Variants in FARS2 observed in about 807,000 individuals in gnomAD.
FARS2 encodes the protein phenylalanine--tRNA ligase, mitochondrial.
In FARS2, 40 loss-of-function variants were observed where a neutral mutation model predicts 46.4. The ratio of observed to expected loss-of-function variants is 0.86; its 90% CI spans 0.67 to 1.12. FARS2 has a LOEUF of 1.12. FARS2 is among the 50% of genes most tolerant of loss of function. The pLI is 0.00. For synonymous variants in FARS2, 234 were observed against 214.9 expected (o/e 1.09, Z -0.78); for missense variants, 513 against 567.9 (o/e 0.90, Z 0.98).
intron 4 of FARS2, among the ~76,000 whole-genome samples, chr6:5,494,123 T>C (rs1280179287): frequency 1.4e-5 from 2 of 142,862 alleles, no homozygotes; most frequent in East Asian, 3.9e-4. Context: ...TCCTTTTTTT[T>C]TTCTTTTTTT....
At chr6:5,524,998 G>A (rs572648150) in intron 4 of FARS2, among the ~76,000 whole-genome samples, 1 of 152,198 alleles carries the variant, frequency 6.6e-6, no homozygotes, top group Admixed American at 6.5e-5. Flanking sequence ...CTAAAGAGCT[G>A]GCATTGCTTC....
intron 1 of FARS2, among the ~76,000 whole-genome samples, chr6:5,279,401 A>G (rs1396408309): frequency 1.9e-4 from 29 of 150,728 alleles, no homozygotes; most frequent in Non-Finnish European, 3.0e-5. Context: ...AAAGAAAAAG[A>G]AAAAAAGAAA....
chr6:5,609,770 C>G (rs1365163721), intron 5 of FARS2: 4 of 1,497,758 alleles, frequency 2.7e-6, no homozygotes, highest in Admixed American at 3.4e-5. Context: ...GCCACTGCCT[C>G]GGTCAGTCAT....
chr6:5,492,797 C>A (rs1214435680), intron 4 of FARS2, among the ~76,000 whole-genome samples: 1 of 152,240 alleles, frequency 6.6e-6, no homozygotes, highest in Non-Finnish European at 1.5e-5. Context: ...CTGTGCCCGG[C>A]TTTCCCTGCA....
At chr6:5,424,279 G>A (rs75122055) in intron 3 of FARS2, among the ~76,000 whole-genome samples, 3,285 of 152,230 alleles carry the variant, frequency 0.022, 58 homozygotes, top group South Asian at 0.067. Flanking sequence ...AACACCTATC[G>A]AGGGCGTTTT....
At position 5,509,717 on chromosome 6, in the gene FARS2, G is replaced by C. The variant is rs541915461; in HGVS notation, c.905-35463G>C. On this transcript the variant is annotated intron_variant, in intron 4 of 6. Transcript: ENST00000274680. Reference sequence around the variant, plus strand: ...GCTCAGCAGGAAAGACTGAGCGTGGGGACTGTGGTCTCTGCAGAAAGTGGG... The same window carrying C: ...GCTCAGCAGGAAAGACTGAGCGTGGCGACTGTGGTCTCTGCAGAAAGTGGG... Among the ~76,000 whole-genome samples the C allele has an allele frequency of 2.0e-5, 3 of 152,274 alleles. No individual in the cohort carries two copies. The East Asian group carries it at 5.8e-4, about 29-fold the overall frequency.
intron 1 of FARS2, among the ~76,000 whole-genome samples, chr6:5,344,979 A>G (rs536997985): frequency 3.2e-4 from 48 of 151,734 alleles, no homozygotes; most frequent in Non-Finnish European, 3.5e-4. Flanking sequence ...TTTAGTAGAG[A>G]TGGGGTTTTA....
At chr6:5,534,425 G>A (rs750595531) in intron 4 of FARS2, among the ~76,000 whole-genome samples, 1 of 152,082 alleles carries the variant, frequency 6.6e-6, no homozygotes. Context: ...TACCCATTAA[G>A]CATTAACTCC....
chr6:5,479,855 C>T (rs111338325), intron 4 of FARS2, among the ~76,000 whole-genome samples: 210 of 152,336 alleles, frequency 1.4e-3, no homozygotes, highest in African/African-American at 4.9e-3. Context: ...ATACCAGTCT[C>T]AGGGAGATAC....
chr6:5,611,834 T>G (rs1422990250), intron 5 of FARS2, among the ~76,000 whole-genome samples: 2 of 152,338 alleles, frequency 1.3e-5, no homozygotes, highest in East Asian at 3.9e-4. Flanking sequence ...TCACCGTGCC[T>G]GGCATCAGAA....
At chr6:5,547,729 G>GC (rs2150507948) in intron 5 of FARS2, among the ~76,000 whole-genome samples, 1 of 152,328 alleles carries the variant, frequency 6.6e-6, no homozygotes, top group South Asian at 2.1e-4. Flanking sequence ...TGCCATGCCA[G>GC]CCCATGCTTG....
intron 3 of FARS2, among the ~76,000 whole-genome samples, chr6:5,414,745 A>G (rs1201261425): frequency 1.5e-4 from 23 of 148,620 alleles, no homozygotes; most frequent in African/African-American, 5.7e-4. Flanking sequence ...CTTTATATGG[A>G]CATCGCTTTT....
intron 4 of FARS2, among the ~76,000 whole-genome samples, chr6:5,508,488 CTG>C: frequency 6.7e-6 from 1 of 148,504 alleles, no homozygotes; most frequent in South Asian, 2.2e-4. Flanking sequence ...AGGAGGGAAT[CTG>C]TGAATTAGCA....
At chr6:5,591,434 G>A (rs1457200558) in intron 5 of FARS2, among the ~76,000 whole-genome samples, 1 of 152,222 alleles carries the variant, frequency 6.6e-6, no homozygotes, top group Non-Finnish European at 1.5e-5. Flanking sequence ...GTTGGATTCT[G>A]TGGGGAAGAT....
intron 1 of FARS2, among the ~76,000 whole-genome samples, chr6:5,284,971 C>T (rs1225159537): frequency 6.6e-6 from 1 of 152,202 alleles, no homozygotes; most frequent in African/African-American, 2.4e-5. Flanking sequence ...TCACCCCCAC[C>T]CCAAGTCAGC....
At chr6:5,740,689 G>A (rs1160552975) in intron 6 of FARS2, among the ~76,000 whole-genome samples, 1 of 152,136 alleles carries the variant, frequency 6.6e-6, no homozygotes, top group Non-Finnish European at 1.5e-5. Context: ...AACCCTCCTG[G>A]AGACCTGCCT....
At chr6:5,321,594 A>G (rs1769979404) in intron 1 of FARS2, among the ~76,000 whole-genome samples, 1 of 152,002 alleles carries the variant, frequency 6.6e-6, no homozygotes, top group Non-Finnish European at 1.5e-5. Flanking sequence ...ATTTGCACTA[A>G]GCTTTGTTGT....
chr6:5,394,767 GT>G (rs145074799), intron 2 of FARS2, among the ~76,000 whole-genome samples: 89 of 150,308 alleles, frequency 5.9e-4, no homozygotes, highest in African/African-American at 1.6e-3. Context: ...AAGGGACAGT[GT>G]TTTTTTTTAA....
intron 5 of FARS2, chr6:5,610,134 C>T: frequency 9.1e-7 from 1 of 1,104,078 alleles, no homozygotes; most frequent in Non-Finnish European, 1.4e-6. Context: ...TGTTTCAAAG[C>T]TCAACCCTCC....
Sources: allele counts gnomAD v4.1 joint callset (sites outside exome capture counted in the v4.1 genomes callset), GRCh38; gene constraint gnomAD v4.1.1; transcripts MANE v1.5; gene names NCBI Gene and HGNC (gene_info 2026-07-23, HGNC 2026-07-21).